The following RYR2 variants were observed in gnomAD, a reference collection of about 807,000 sequenced individuals.
The protein encoded by RYR2 is ryanodine receptor 2.
Under a neutral mutation model 601.1 loss-of-function variants are expected in RYR2, and 227 were observed. The ratio of observed to expected loss-of-function variants is 0.38; its 90% CI spans 0.34 to 0.42. The LOEUF is 0.42. RYR2 is among the 10% of genes least tolerant of loss of function. The probability of loss-of-function intolerance (pLI) is 1.00; values close to 1 mark genes in which losing one functional copy is unlikely to be tolerated. For synonymous variants in RYR2, 2,223 were observed against 2,175.1 expected (o/e 1.02, Z -0.61); for missense variants, 4,646 against 6,156.5 (o/e 0.75, Z 8.21).
intron 73 of RYR2, among the ~76,000 whole-genome samples, chr1:237,718,846 T>C (rs1558282402): frequency 1.3e-5 from 2 of 152,196 alleles, no homozygotes; most frequent in Non-Finnish European, 2.9e-5. Context: ...GTTACATATG[T>C]ATACATGTGC....
chr1:237,485,936 C>T (rs1662638624), intron 17 of RYR2, among the ~76,000 whole-genome samples: 1 of 152,004 alleles, frequency 6.6e-6, no homozygotes, highest in Non-Finnish European at 1.5e-5. Context: ...AGCATAACCA[C>T]CTACAGTTTG....
chr1:237,498,790 T>C (rs1259866772), intron 20 of RYR2, among the ~76,000 whole-genome samples: 1 of 152,308 alleles, frequency 6.6e-6, no homozygotes, highest in African/African-American at 2.4e-5. Context: ...AAAAAAAATT[T>C]AGTGAATCTG....
intron 45 of RYR2, among the ~76,000 whole-genome samples, chr1:237,638,734 A>T (rs1028679078): frequency 1.3e-5 from 2 of 152,142 alleles, no homozygotes; most frequent in African/African-American, 4.8e-5. Context: ...TTGAATTCTA[A>T]TAATAGTTTG....
intron 2 of RYR2, among the ~76,000 whole-genome samples, chr1:237,285,783 T>C (rs1030531826): frequency 3.3e-5 from 5 of 152,288 alleles, no homozygotes; most frequent in African/African-American, 1.2e-4. Flanking sequence ...AATTCATCTG[T>C]CTCTTCTAGG....
At chr1:237,154,093 A>G (rs1354945077) in intron 1 of RYR2, among the ~76,000 whole-genome samples, 1 of 152,226 alleles carries the variant, frequency 6.6e-6, no homozygotes, top group Non-Finnish European at 1.5e-5. Context: ...CATTGCAGTC[A>G]CAAGATAACA....
intron 100 of RYR2, among the ~76,000 whole-genome samples, chr1:237,815,706 T>C (rs1661745178): frequency 6.6e-6 from 1 of 152,162 alleles, no homozygotes; most frequent in Non-Finnish European, 1.5e-5. Context: ...ACATTTTCTT[T>C]GGTAATTTAG....
chr1:237,118,000 C>T (rs1670328975), intron 1 of RYR2, among the ~76,000 whole-genome samples: 2 of 152,202 alleles, frequency 1.3e-5, no homozygotes, highest in South Asian at 4.1e-4. Flanking sequence ...TTCTCCTCAG[C>T]CTCCCAAAGT....
At chr1:237,750,214 A>G (rs1001299252) in intron 80 of RYR2, among the ~76,000 whole-genome samples, 1 of 152,138 alleles carries the variant, frequency 6.6e-6, no homozygotes. Flanking sequence ...ACCTTTTCCT[A>G]GTTTAGTATT....
chr1:237,436,463 T>TTTTTTTTTTTTTTTTG, intron 12 of RYR2, among the ~76,000 whole-genome samples: 2 of 131,544 alleles, frequency 1.5e-5, no homozygotes, highest in Non-Finnish European at 3.2e-5. Context: ...CCTTTTTTTT[T>TTTTTTTTTTTTTTTTG]TTTTTTTTTT....
intron 3 of RYR2, among the ~76,000 whole-genome samples, chr1:237,336,476 T>C (rs1277359322): frequency 1.3e-5 from 2 of 152,212 alleles, no homozygotes; most frequent in Non-Finnish European, 2.9e-5. Context: ...AATATTACAA[T>C]GACTTAATTA....
chr1:237,714,772 C>T (rs1051375257), intron 71 of RYR2, among the ~76,000 whole-genome samples: 8 of 151,588 alleles, frequency 5.3e-5, no homozygotes, highest in African/African-American at 1.7e-4. Context: ...AGATGGATCA[C>T]GAGGTCAGGA....
chr1:237,566,300 A>G (rs906835272), intron 27 of RYR2, among the ~76,000 whole-genome samples: 3 of 152,112 alleles, frequency 2.0e-5, no homozygotes, highest in African/African-American at 4.8e-5. Context: ...CCTCCTGAAA[A>G]TGAGGCTGAC....
chr1:237,283,580 T>C (rs1221612324), intron 2 of RYR2, among the ~76,000 whole-genome samples: 2 of 152,208 alleles, frequency 1.3e-5, no homozygotes, highest in East Asian at 1.9e-4. Flanking sequence ...ATAATATTGA[T>C]GTATCCATTT....
chr1:237,638,588 A>T, intron 45 of RYR2, 96 bp downstream of exon 45: 4 of 1,313,416 alleles, frequency 3.0e-6, no homozygotes, highest in Non-Finnish European at 4.2e-6. Flanking sequence ...AGGAAGTATT[A>T]GTAAAGAAAT....
chr1:237,090,123 C>T (rs1299048182), intron 1 of RYR2, among the ~76,000 whole-genome samples: 1 of 152,112 alleles, frequency 6.6e-6, no homozygotes. Context: ...GTCACCAGAA[C>T]AGCATGGGGG....
chr1:237,592,076 A>C (rs1181975654), intron 32 of RYR2, among the ~76,000 whole-genome samples: 1 of 152,230 alleles, frequency 6.6e-6, no homozygotes, highest in Non-Finnish European at 1.5e-5. Flanking sequence ...TTGTAATGGC[A>C]TGCATAATCT....
In RYR2 at chr1:237,445,495, C is replaced by T; in HGVS notation, c.1265C>T (p.Thr422Ile). 1 of 1,613,702 alleles carries T rather than the reference C, an allele frequency of 6.2e-7. No individual in the cohort carries two copies. The highest frequency in any genetic ancestry group is 1.1e-5 in the South Asian group (1 of 91,084). Residue 422 changes from threonine (T) to isoleucine (I), a missense_variant, in exon 14 of 105, where the codon ACA becomes ATA. By Grantham distance (89) the Thr-to-Ile change is moderately conservative. This residue lies in a region of RYR2 where 1,807 missense variants were observed against 2,088.1 expected (regional missense o/e 0.87). Coordinates refer to ENST00000366574, the MANE Select transcript of RYR2 (RefSeq NM_001035.3). The part of the protein sequence containing the change: ...ESRTARVIRS[T>I]VFLFNRFIRG... ...CGCACAGCCCGAGTTATCCGGAGCA[C>T]AGTCTTCCTTTTCAATAGATTTATA...
intron 35 of RYR2, among the ~76,000 whole-genome samples, chr1:237,605,449 A>G (rs943880076): frequency 1.3e-5 from 2 of 152,184 alleles, no homozygotes; most frequent in African/African-American, 2.4e-5. Flanking sequence ...ATTTATGACA[A>G]ACCCACAGCC....
intron 104 of RYR2, among the ~76,000 whole-genome samples, chr1:237,831,853 CATA>C (rs926129996): frequency 1.0e-3 from 70 of 70,238 alleles, no homozygotes; most frequent in African/African-American, 6.5e-3. Flanking sequence ...TTAATTATTG[CATA>C]ATGTCTTTGT....
Sources: gnomAD v4.1 joint callset for allele counts (sites outside exome capture counted in the v4.1 genomes callset) on GRCh38, gnomAD v4.1.1 for gene constraint, gnomAD v4.1.1 regional missense constraint, MANE v1.5 for transcripts, NCBI Gene and HGNC (gene_info 2026-07-23, HGNC 2026-07-21) for gene names.